The following QTGAL variants were observed in gnomAD, a reference collection of about 807,000 sequenced individuals.
QTGAL encodes queuosine-tRNA galactosyltransferase, also known as BGnT-like protein 1.
the QTGAL span, among the ~76,000 whole-genome samples, chr17:82,984,648 C>T: frequency 2.0e-5 from 3 of 151,980 alleles, 1 homozygote. Flanking sequence ...GGAACCCACC[C>T]TGCCAGCAGC....
chr17:82,983,250 A>G, the QTGAL span, among the ~76,000 whole-genome samples: 1 of 152,216 alleles, frequency 6.6e-6, no homozygotes, highest in South Asian at 2.1e-4. Context: ...ATTGCACTCC[A>G]GTCTGGGCGA....
At chr17:82,976,500 C>A in the QTGAL span, among the ~76,000 whole-genome samples, 1 of 101,142 alleles carries the variant, frequency 9.9e-6, no homozygotes, top group African/African-American at 5.5e-5. Context: ...GGGCCAGAGG[C>A]CACTTATGGG....
At chr17:83,033,802 G>A in the QTGAL span, among the ~76,000 whole-genome samples, 46,112 of 151,852 alleles carry the variant, frequency 0.3, 7,680 homozygotes, top group African/African-American at 0.44. Context: ...AGTGTTATTA[G>A]TTCAGTTTTT....
At chr17:82,964,064 C>G in the QTGAL span, among the ~76,000 whole-genome samples, 1 of 149,712 alleles carries the variant, frequency 6.7e-6, no homozygotes, top group Non-Finnish European at 1.5e-5. Flanking sequence ...GAGTTCGAGA[C>G]CAGCCTGGGC....
the QTGAL span, among the ~76,000 whole-genome samples, chr17:82,973,358 T>G: frequency 3.9e-5 from 6 of 152,180 alleles, no homozygotes; most frequent in Non-Finnish European, 7.4e-5. Flanking sequence ...GTAAAATCAC[T>G]GAGCTATGAA....
At chr17:83,014,915 CT>C in the QTGAL span, among the ~76,000 whole-genome samples, 2 of 152,256 alleles carry the variant, frequency 1.3e-5, no homozygotes, top group Non-Finnish European at 2.9e-5. Context: ...ATAAAAAATG[CT>C]GACAATTCCA....
chr17:82,952,224 G>A, the QTGAL span, among the ~76,000 whole-genome samples: 6 of 152,182 alleles, frequency 3.9e-5, no homozygotes, highest in Non-Finnish European at 5.9e-5. Context: ...CTGGCCTCAC[G>A]GCTTCTGCGG....
At chr17:82,942,605 C>T in the QTGAL span, 3 of 1,123,954 alleles carry the variant, frequency 2.7e-6, no homozygotes. Flanking sequence ...CACTAGCTGA[C>T]AGCTTTTCCT....
chr17:82,986,621 G>C, the QTGAL span, among the ~76,000 whole-genome samples: 1 of 152,236 alleles, frequency 6.6e-6, no homozygotes, highest in African/African-American at 2.4e-5. Flanking sequence ...AAGCAGATTT[G>C]ATGCGGAAAG....
chr17:82,969,836 C>T, the QTGAL span, among the ~76,000 whole-genome samples: 1 of 152,138 alleles, frequency 6.6e-6, no homozygotes, highest in East Asian at 1.9e-4. Flanking sequence ...TGGACCAGCA[C>T]ACCTTGCTAA....
chr17:83,015,753 C>T, the QTGAL span, among the ~76,000 whole-genome samples: 5 of 152,304 alleles, frequency 3.3e-5, no homozygotes, highest in South Asian at 2.1e-4. This position sits in a 1 kb window ranked among gnomAD's most constrained non-coding sequence, Gnocchi z 4.4. Context: ...CTCACAGGAG[C>T]GCAAACCCTA....
At chr17:82,965,657 T>C in the QTGAL span, 3 of 1,608,056 alleles carry the variant, frequency 1.9e-6, no homozygotes, top group South Asian at 3.4e-5. Flanking sequence ...TTACCTGACC[T>C]CCCTCGTTAA....
the QTGAL span, among the ~76,000 whole-genome samples, chr17:82,970,925 G>A: frequency 5.3e-5 from 8 of 152,186 alleles, no homozygotes; most frequent in African/African-American, 9.7e-5. Context: ...GGTGGAGAGC[G>A]GAAGGCAGTG....
chr17:83,045,934 C>T, the QTGAL span, among the ~76,000 whole-genome samples: 1 of 152,006 alleles, frequency 6.6e-6, no homozygotes, highest in South Asian at 2.1e-4. Flanking sequence ...AGCAATTCTT[C>T]TGTCTCAGCC....
At chr17:82,962,658 C>T in the QTGAL span, among the ~76,000 whole-genome samples, 12,429 of 143,132 alleles carry the variant, frequency 0.087, 1,087 homozygotes, top group Admixed American at 0.16. Flanking sequence ...CACGGACCCT[C>T]GCAGGGGTCA....
the QTGAL span, chr17:82,957,498 C>T: frequency 3.4e-5 from 54 of 1,597,796 alleles, no homozygotes; most frequent in East Asian, 4.5e-5. Context: ...GGTCGTCCTG[C>T]GGTGGAGAAG....
chr17:82,987,023 C>T, the QTGAL span, among the ~76,000 whole-genome samples: 38 of 152,142 alleles, frequency 2.5e-4, no homozygotes, highest in African/African-American at 8.5e-4. Flanking sequence ...GACACAGTCT[C>T]GAACACCATA....
chr17:82,966,487 T>A, the QTGAL span, among the ~76,000 whole-genome samples: 1 of 152,208 alleles, frequency 6.6e-6, no homozygotes, highest in Non-Finnish European at 1.5e-5. Flanking sequence ...GTGATCAAGG[T>A]TGATTGGTAT....
At chr17:83,029,145 G>T in the QTGAL span, among the ~76,000 whole-genome samples, 2 of 152,214 alleles carry the variant, frequency 1.3e-5, no homozygotes, top group Non-Finnish European at 2.9e-5. Flanking sequence ...GAGTTACACA[G>T]GCGTGTGAGC....
Sources: allele counts gnomAD v4.1 joint callset (sites outside exome capture counted in the v4.1 genomes callset), GRCh38; gene constraint gnomAD v4.1.1; non-coding constraint Gnocchi (gnomAD v3.1); transcripts MANE v1.5; gene names NCBI Gene and HGNC (gene_info 2026-07-23, HGNC 2026-07-21).